The following DAPK1 variants were observed in gnomAD, a reference collection of about 807,000 sequenced individuals.
DAPK1 encodes death associated protein kinase 1.
DAPK1 carries 56 observed loss-of-function variants against 144.9 expected under a neutral mutation model. The observed-to-expected ratio is 0.39, with a 90% CI of 0.31 to 0.48. The LOEUF (loss-of-function observed/expected upper bound fraction) is 0.48. Ranked by LOEUF, DAPK1 falls within the 20% of genes least tolerant of loss-of-function variation. The probability of loss-of-function intolerance (pLI) is 0.95; values close to 1 mark genes in which losing one functional copy is unlikely to be tolerated. For missense variants in DAPK1, 1,454 were observed against 1,875.4 expected, an observed-to-expected ratio of 0.78 and a Z score of 4.15; for synonymous variants, 690 against 749.0, an observed-to-expected ratio of 0.92 and a Z score of 1.29.
intron 3 of DAPK1, among the ~76,000 whole-genome samples, chr9:87,626,339 C>T (rs1264026422): frequency 6.6e-6 from 1 of 152,134 alleles, no homozygotes; most frequent in Non-Finnish European, 1.5e-5. Flanking sequence ...CACTTGAACC[C>T]GGAAGGTGGA....
At chr9:87,598,657 G>A (rs778067332) in intron 2 of DAPK1, among the ~76,000 whole-genome samples, 17 of 152,122 alleles carry the variant, frequency 1.1e-4, no homozygotes, top group South Asian at 2.1e-4. Flanking sequence ...TGAATGTTGC[G>A]TCTTCTCTGA....
chr9:87,609,378 G>A (rs554959569), intron 3 of DAPK1, among the ~76,000 whole-genome samples: 1 of 152,334 alleles, frequency 6.6e-6, no homozygotes, highest in African/African-American at 2.4e-5. Context: ...GGAGAACCCT[G>A]ATAATACAGT....
chr9:87,693,710 T>C (rs1314781797), intron 21 of DAPK1, among the ~76,000 whole-genome samples: 1 of 152,220 alleles, frequency 6.6e-6, no homozygotes, highest in African/African-American at 2.4e-5. Flanking sequence ...TTGAACTTGC[T>C]TTCATAGGGG....
chr9:87,602,668 CT>C (rs952273778), intron 2 of DAPK1, among the ~76,000 whole-genome samples: 1 of 151,544 alleles, frequency 6.6e-6, no homozygotes, highest in African/African-American at 2.4e-5. Flanking sequence ...GAGTTTTGCT[CT>C]GTCACCCAGG....
At position 87,681,432 on chromosome 9, in the gene DAPK1, A is replaced by T; in HGVS notation, c.2030A>T (p.Gln677Leu). ...ACGCACCGAGGACTCTTCATCCAGCAGCTCCGACCCACACAGAACCTGCAG... is the reference window on the plus strand; with the variant it reads ...ACGCACCGAGGACTCTTCATCCAGCTGCTCCGACCCACACAGAACCTGCAG... Reference protein sequence around the residue: ...KDTHRGLFIQQLRPTQNLQPR... With the variant: ...KDTHRGLFIQLLRPTQNLQPR... The change falls in exon 20 of 26, where the codon CAG becomes CTG. Residue 677 changes from glutamine to leucine, a missense_variant. This residue lies in a region of DAPK1 where 1,025 missense variants were observed against 1,237.9 expected (regional missense o/e 0.83). Coordinates refer to ENST00000408954, the MANE Select transcript of DAPK1 (RefSeq NM_004938.4). The T allele has an allele frequency of 6.2e-7, 1 of 1,612,762 alleles. No individual in the cohort carries two copies. The highest frequency in any genetic ancestry group is 1.1e-5 in the South Asian group (1 of 91,056).
At chr9:87,543,904 G>A (rs1268205838) in intron 2 of DAPK1, among the ~76,000 whole-genome samples, 2 of 152,110 alleles carry the variant, frequency 1.3e-5, no homozygotes, top group African/African-American at 4.8e-5. Flanking sequence ...AAGATTTCAT[G>A]TGGCCTTAAT....
intron 2 of DAPK1, among the ~76,000 whole-genome samples, chr9:87,592,661 C>T (rs896183140): frequency 2.6e-5 from 4 of 152,180 alleles, no homozygotes; most frequent in Non-Finnish European, 2.9e-5. Context: ...CTGGCTCTCA[C>T]GATAAGCTGC....
intron 2 of DAPK1, among the ~76,000 whole-genome samples, chr9:87,563,422 A>T (rs1654761087): frequency 6.6e-6 from 1 of 152,172 alleles, no homozygotes; most frequent in South Asian, 2.1e-4. Context: ...CCACTCTGGG[A>T]TGGGTTGTAG....
intron 6 of DAPK1, 30 bp from the exon 7 acceptor site, chr9:87,639,758 TG>T (rs1830031692): frequency 7.4e-6 from 12 of 1,612,530 alleles, no homozygotes; most frequent in South Asian, 1.1e-5. Context: ...TCTTCTGACA[TG>T]TTTTTTTGTT....
In DAPK1 at chr9:87,537,276, G is replaced by C. The variant is rs531704863; in HGVS notation, c.62+38137G>C. 2.6e-5 allele frequency among the ~76,000 whole-genome samples: 4 copies of C among 152,234 alleles called. No homozygotes were observed. In the South Asian group the frequency reaches 6.2e-4, roughly 24 times the overall value. ...GCTGGGATTACAGGCGTGAGCCACCGCATCCAGCCCCTATGAGGTTTTCAT... is the reference window on the plus strand; with the variant it reads ...GCTGGGATTACAGGCGTGAGCCACCCCATCCAGCCCCTATGAGGTTTTCAT... On this transcript the variant is annotated intron_variant, in intron 2 of 25. Transcript: ENST00000408954.
chr9:87,633,887 T>C (rs1461546833), intron 3 of DAPK1, among the ~76,000 whole-genome samples: 1 of 152,142 alleles, frequency 6.6e-6, no homozygotes, highest in Non-Finnish European at 1.5e-5. Flanking sequence ...GTGTGCATGG[T>C]GTTTATTAAG....
chr9:87,650,132 G>T lies in DAPK1; in HGVS notation c.1626+14G>T. ...GCTTGCGACAAGGTGCCTTATGGGG[G>T]AAGACTCATATGCACTGGGAAGTGA... is the stretch of plus-strand genomic sequence containing the variant. On this transcript the variant is annotated intron_variant, in intron 16 of 25. Coordinates refer to ENST00000408954, the MANE Select transcript of DAPK1 (RefSeq NM_004938.4). The T allele has an allele frequency of 6.2e-7, 1 of 1,613,606 alleles. No homozygotes were observed.
chr9:87,539,332 C>G (rs1191673383), intron 2 of DAPK1, among the ~76,000 whole-genome samples: 4 of 151,566 alleles, frequency 2.6e-5, no homozygotes, highest in Non-Finnish European at 5.9e-5. Flanking sequence ...TCCTTGGTGT[C>G]GCTTTCTGAG....
At chr9:87,639,880 A>G in intron 7 of DAPK1, 65 bp downstream of exon 7, 1 of 1,552,118 alleles carries the variant, frequency 6.4e-7, no homozygotes, top group Admixed American at 1.7e-5. Context: ...TTAATTAACC[A>G]TTAAATGTGC....
At chr9:87,646,970 C>G (rs547064005) in intron 13 of DAPK1, among the ~76,000 whole-genome samples, 13 of 152,292 alleles carry the variant, frequency 8.5e-5, no homozygotes, top group African/African-American at 3.1e-4. Flanking sequence ...GAATCCTAAC[C>G]AGAGAGGGGA....
intron 3 of DAPK1, among the ~76,000 whole-genome samples, chr9:87,623,830 G>A (rs1221503525): frequency 6.6e-6 from 1 of 152,092 alleles, no homozygotes; most frequent in Non-Finnish European, 1.5e-5. Flanking sequence ...ATCCACCTCT[G>A]TAGAAAGCTG....
chr9:87,696,211 A>G (rs138853917), intron 21 of DAPK1, among the ~76,000 whole-genome samples: 129 of 152,260 alleles, frequency 8.5e-4, no homozygotes, highest in African/African-American at 3.0e-3. Flanking sequence ...AGGCATGCAC[A>G]TATATGTGTA....
chr9:87,631,230 C>T (rs1159804169), intron 3 of DAPK1, among the ~76,000 whole-genome samples: 1 of 152,158 alleles, frequency 6.6e-6, no homozygotes, highest in Non-Finnish European at 1.5e-5. Context: ...TAGATGATAA[C>T]CAAAGCGGAT....
intron 2 of DAPK1, among the ~76,000 whole-genome samples, chr9:87,574,911 ACT>A (rs909452437): frequency 9.0e-4 from 132 of 146,520 alleles, no homozygotes; most frequent in African/African-American, 3.3e-3. Context: ...ACAGAGTGAG[ACT>A]CTGTCTCAAA....
Sources: gnomAD v4.1 joint callset for allele counts (sites outside exome capture counted in the v4.1 genomes callset) on GRCh38, gnomAD v4.1.1 for gene constraint, gnomAD v4.1.1 regional missense constraint, MANE v1.5 for transcripts, NCBI Gene and HGNC (gene_info 2026-07-23, HGNC 2026-07-21) for gene names.